Variants in ANO1 observed in about 807,000 individuals in gnomAD.
ANO1 encodes anoctamin 1.
In ANO1, 59 loss-of-function variants were observed where a neutral mutation model predicts 124.0. That is an observed-to-expected ratio of 0.48 (90% CI 0.39 to 0.59). The LOEUF (loss-of-function observed/expected upper bound fraction) is 0.59. ANO1 is among the 20% of genes least tolerant of loss of function. The probability of loss-of-function intolerance (pLI) is 0.00; values close to 1 mark genes in which losing one functional copy is unlikely to be tolerated. For missense variants in ANO1, 1,059 were observed against 1,328.0 expected (o/e 0.80, Z 3.15); for synonymous variants, 529 against 532.0 (o/e 0.99, Z 0.08).
chr11:70,147,227 G>A (rs1430971711), intron 11 of ANO1, among the ~76,000 whole-genome samples: 1 of 152,212 alleles, frequency 6.6e-6, no homozygotes, highest in Admixed American at 6.5e-5. Context: ...AGGAGACATC[G>A]GGGGCCTTGC....
chr11:70,102,705 C>T (rs2045325802), intron 2 of ANO1, among the ~76,000 whole-genome samples: 1 of 152,158 alleles, frequency 6.6e-6, no homozygotes, highest in African/African-American at 2.4e-5. Context: ...GGCTCTGCAT[C>T]CTGAAAGGTC....
At chr11:70,171,829 G>A (rs1414850170) in intron 22 of ANO1, among the ~76,000 whole-genome samples, 4 of 152,158 alleles carry the variant, frequency 2.6e-5, no homozygotes, top group Non-Finnish European at 4.4e-5. Flanking sequence ...TGAGCTGGGC[G>A]TGATGGTGCG....
At chr11:70,073,783 T>A (rs782593487), upstream of ANO1, among the ~76,000 whole-genome samples, 2 of 151,868 alleles carry the variant, frequency 1.3e-5, no homozygotes, top group Non-Finnish European at 2.9e-5. Context: ...CTGAAAACCC[T>A]CCTATGGAAA....
At chr11:69,999,569 A>T (rs1856341056) in intron 1 of ANO1, among the ~76,000 whole-genome samples, 1 of 152,166 alleles carries the variant, frequency 6.6e-6, no homozygotes, top group African/African-American at 2.4e-5. Context: ...AGCATCTGAG[A>T]ACATAACAGG....
intron 1 of ANO1, among the ~76,000 whole-genome samples, chr11:70,026,627 A>G (rs1377573846): frequency 6.6e-6 from 1 of 152,132 alleles, no homozygotes; most frequent in Non-Finnish European, 1.5e-5. Flanking sequence ...CCTTGCTGCC[A>G]TCATTCAAGA....
chr11:70,053,748 G>A (rs2135089223), intron 1 of ANO1, among the ~76,000 whole-genome samples: 1 of 152,256 alleles, frequency 6.6e-6, no homozygotes, highest in African/African-American at 2.4e-5. Flanking sequence ...AGAGTTTCTG[G>A]AAGATTGGTG....
chr11:70,124,463 A>C, intron 9 of ANO1, 49 bp downstream of exon 9: 1 of 1,561,030 alleles, frequency 6.4e-7, no homozygotes, highest in Non-Finnish European at 8.8e-7. Flanking sequence ...CTCCGATGGC[A>C]GTCGGATAAC....
At chr11:70,153,708 T>G (rs1474095731) in intron 14 of ANO1, among the ~76,000 whole-genome samples, 1 of 152,202 alleles carries the variant, frequency 6.6e-6, no homozygotes, top group Non-Finnish European at 1.5e-5. Context: ...AAGTCATATG[T>G]GCAGCCAGGA....
chr11:69,995,276 T>A (rs1332586050), intron 1 of ANO1, among the ~76,000 whole-genome samples: 11 of 152,074 alleles, frequency 7.2e-5, no homozygotes, highest in African/African-American at 2.7e-4. Flanking sequence ...ATTTTGTATT[T>A]TTAGTAGAGA....
intron 1 of ANO1, among the ~76,000 whole-genome samples, chr11:70,023,009 G>T (rs1555002771): frequency 6.6e-6 from 1 of 152,226 alleles, no homozygotes; most frequent in African/African-American, 2.4e-5. Context: ...GGCAAGGACT[G>T]CAGGTGGCCT....
chr11:70,095,100 G>T (rs544425029), intron 2 of ANO1, among the ~76,000 whole-genome samples: 109 of 151,994 alleles, frequency 7.2e-4, no homozygotes, highest in Non-Finnish European at 1.0e-4. Flanking sequence ...GAGCTACTCA[G>T]GAGGCTGAGG....
At chr11:70,087,096 C>T (rs951443208) in intron 1 of ANO1, among the ~76,000 whole-genome samples, 5 of 152,262 alleles carry the variant, frequency 3.3e-5, no homozygotes, top group African/African-American at 4.8e-5. Flanking sequence ...TTTGCCATAG[C>T]TTTTGTTGCT....
At chr11:70,084,854 C>G (rs1244822815) in intron 1 of ANO1, among the ~76,000 whole-genome samples, 3 of 152,204 alleles carry the variant, frequency 2.0e-5, no homozygotes, top group Admixed American at 2.0e-4. Context: ...GAGCCCTGCA[C>G]TGGGGTCAGC....
At chr11:70,035,376 C>A (rs1311157740) in intron 1 of ANO1, among the ~76,000 whole-genome samples, 2 of 150,058 alleles carry the variant, frequency 1.3e-5, no homozygotes. Flanking sequence ...CTTATTATGA[C>A]CCTGCTTTTT....
At chr11:70,029,292 T>A (rs1856961538) in intron 1 of ANO1, among the ~76,000 whole-genome samples, 1 of 152,232 alleles carries the variant, frequency 6.6e-6, no homozygotes, top group African/African-American at 2.4e-5. Context: ...CACACAGGCC[T>A]GCTCTGCGCA....
At chr11:69,989,146 TC>T (rs143881512) in intron 1 of ANO1, among the ~76,000 whole-genome samples, 12,846 of 152,122 alleles carry the variant, frequency 0.084, 703 homozygotes, top group East Asian at 0.14. Context: ...TCCCATTGTT[TC>T]CCCCCATTTA....
rs770522806 is a variant in ANO1, at chr11:70,163,236, G to A, written c.1893-47G>A. 7.5e-6 allele frequency: 12 copies of A among 1,598,534 alleles called. No homozygotes were observed. In the Admixed American group the frequency reaches 1.2e-4, roughly 16 times the overall value. On this transcript the variant is annotated intron_variant, in intron 18 of 25. Coordinates refer to ENST00000355303, the MANE Select transcript of ANO1 (RefSeq NM_018043.7). Reference sequence around the variant, plus strand: ...CCACTTGGGGGTCTCTCCCCGAGCTGAGCCAGGGGCTCATCTTTTCTCTAA... The same window carrying A: ...CCACTTGGGGGTCTCTCCCCGAGCTAAGCCAGGGGCTCATCTTTTCTCTAA...
At chr11:70,149,481 T>A (rs1241580859) in intron 11 of ANO1, 1 of 482,840 alleles carries the variant, frequency 2.1e-6, no homozygotes, top group Non-Finnish European at 3.8e-6. Flanking sequence ...TGAAACCCTG[T>A]CTCTACTAAA....
chr11:70,179,409 G>A (rs928676900), intron 22 of ANO1, among the ~76,000 whole-genome samples: 13 of 152,206 alleles, frequency 8.5e-5, no homozygotes, highest in Admixed American at 5.2e-4. Context: ...CTGGGAAGAC[G>A]AATGGAGAGA....
Sources: gnomAD v4.1 joint callset for allele counts (sites outside exome capture counted in the v4.1 genomes callset) on GRCh38, gnomAD v4.1.1 for gene constraint, MANE v1.5 for transcripts, NCBI Gene and HGNC (gene_info 2026-07-23, HGNC 2026-07-21) for gene names.